The following RAD51B variants were observed in gnomAD, a reference collection of about 807,000 sequenced individuals.
The protein encoded by RAD51B is DNA repair protein RAD51 homolog 2.
In RAD51B, 38 loss-of-function variants were observed where a neutral mutation model predicts 42.2. The observed-to-expected ratio is 0.90, with a 90% CI of 0.70 to 1.18. The LOEUF is 1.18. RAD51B is among the 50% of genes most tolerant of loss of function. The pLI is 0.00. For missense variants in RAD51B, 373 were observed against 400.7 expected, an observed-to-expected ratio of 0.93 and a Z score of 0.59; for synonymous variants, 154 against 145.2, an observed-to-expected ratio of 1.06 and a Z score of -0.43.
At chr14:68,103,101 A>G (rs528845417) in intron 7 of RAD51B, among the ~76,000 whole-genome samples, 13 of 152,196 alleles carry the variant, frequency 8.5e-5, no homozygotes, top group Admixed American at 2.0e-4. Context: ...GGTCCCTCCC[A>G]TGACACATGG....
chr14:68,558,866 G>A (rs568434923), intron 10 of RAD51B, among the ~76,000 whole-genome samples: 19 of 152,114 alleles, frequency 1.2e-4, no homozygotes, highest in Non-Finnish European at 1.9e-4. Context: ...ACACAATTCA[G>A]TCCACCATGG....
At chr14:68,162,333 C>T (rs2078656780) in intron 7 of RAD51B, among the ~76,000 whole-genome samples, 2 of 152,068 alleles carry the variant, frequency 1.3e-5, no homozygotes, top group African/African-American at 2.4e-5. Context: ...CATAATTTTT[C>T]ATTCTAAAAT....
chr14:68,396,629 C>T (rs2083931737), intron 8 of RAD51B, among the ~76,000 whole-genome samples: 1 of 152,200 alleles, frequency 6.6e-6, no homozygotes, highest in African/African-American at 2.4e-5. Context: ...TACATATTTT[C>T]AGTTGGAGAA....
intron 7 of RAD51B, among the ~76,000 whole-genome samples, chr14:67,889,591 T>TGA (rs1409594205): frequency 1.4e-5 from 2 of 145,076 alleles, no homozygotes; most frequent in Non-Finnish European, 1.5e-5. Flanking sequence ...TTCCCCCCCT[T>TGA]TCTCTATTTG....
At chr14:68,502,617 A>G (rs1885002442) in intron 10 of RAD51B, among the ~76,000 whole-genome samples, 1 of 152,192 alleles carries the variant, frequency 6.6e-6, no homozygotes, top group African/African-American at 2.4e-5. Context: ...GGAAACAAAT[A>G]ACTCCTGGCT....
chr14:68,640,937 A>G (rs759871784), intron 10 of RAD51B, among the ~76,000 whole-genome samples: 1 of 152,160 alleles, frequency 6.6e-6, no homozygotes, highest in Non-Finnish European at 1.5e-5. Context: ...AGGAGGTGCA[A>G]TGGAAAAGGT....
At chr14:68,618,306 A>T (rs565989963) in intron 10 of RAD51B, among the ~76,000 whole-genome samples, 1 of 152,348 alleles carries the variant, frequency 6.6e-6, no homozygotes, top group East Asian at 1.9e-4. Flanking sequence ...AGACACAAAC[A>T]GGAAACTACA....
At chr14:68,578,483 CAT>C (rs1324116772) in intron 10 of RAD51B, among the ~76,000 whole-genome samples, 1 of 152,156 alleles carries the variant, frequency 6.6e-6, no homozygotes, top group Non-Finnish European at 1.5e-5. Flanking sequence ...TGGCAGCTTT[CAT>C]GGAGGTTTCA....
intron 8 of RAD51B, among the ~76,000 whole-genome samples, chr14:68,399,255 T>TTG (rs1555404126): frequency 7.2e-6 from 1 of 138,552 alleles, no homozygotes; most frequent in Non-Finnish European, 1.6e-5. Flanking sequence ...TGATTTTTTT[T>TTG]TGTGTTTTTT....
intron 7 of RAD51B, among the ~76,000 whole-genome samples, chr14:67,901,776 A>T (rs940469722): frequency 1.3e-5 from 2 of 152,230 alleles, no homozygotes; most frequent in Non-Finnish European, 2.9e-5. Flanking sequence ...ACATGGATCA[A>T]ACTGGAGGCC....
At chr14:68,200,234 C>G (rs997245569) in intron 7 of RAD51B, among the ~76,000 whole-genome samples, 42 of 152,130 alleles carry the variant, frequency 2.8e-4, no homozygotes, top group African/African-American at 9.4e-4. Context: ...TGAAGGCAAT[C>G]TCAGCGTCTG....
intron 11 of RAD51B, among the ~76,000 whole-genome samples, chr14:68,664,854 A>G (rs1893001111): frequency 6.6e-6 from 1 of 152,108 alleles, no homozygotes; most frequent in Non-Finnish European, 1.5e-5. Context: ...TGTGACTCCT[A>G]ATGGAAATCC....
chr14:68,351,864 G>A (rs1171371933), intron 8 of RAD51B, among the ~76,000 whole-genome samples: 1 of 152,232 alleles, frequency 6.6e-6, no homozygotes, highest in African/African-American at 2.4e-5. Context: ...CCCACTAGCT[G>A]CAGTGTAGAG....
intron 10 of RAD51B, among the ~76,000 whole-genome samples, chr14:68,552,514 A>G (rs2053097126): frequency 6.6e-6 from 1 of 152,212 alleles, no homozygotes; most frequent in South Asian, 2.1e-4. Context: ...GTGGTGGCAC[A>G]CAGTAGGGCC....
chr14:67,840,364 A>G (rs773093931), intron 4 of RAD51B, among the ~76,000 whole-genome samples: 2 of 152,136 alleles, frequency 1.3e-5, no homozygotes, highest in Non-Finnish European at 2.9e-5. Context: ...GCTCCCACTT[A>G]TAAGTGAGAA....
intron 10 of RAD51B, among the ~76,000 whole-genome samples, chr14:68,537,795 A>C (rs1324427455): frequency 1.3e-5 from 2 of 151,636 alleles, no homozygotes; most frequent in African/African-American, 4.9e-5. Flanking sequence ...CGACCTTTTC[A>C]TTTCTTTATT....
Position 68,629,735 on chromosome 14 carries a change from T to TA in RAD51B, c.1037-21045dup, listed in dbSNP as rs567015531. Among the ~76,000 whole-genome samples, 146 of 152,352 alleles carry TA rather than the reference T, an allele frequency of 9.6e-4. 1 individual carries two copies. The highest frequency in any genetic ancestry group is 3.3e-3 in the African/African-American group (136 of 41,580). Reference sequence around the variant, plus strand: ...TTGTTATAAATCCCAGGGTCGGACTTACATTCCCCAGCTGCAAAAAGCATA... The same window carrying TA: ...TTGTTATAAATCCCAGGGTCGGACTTAACATTCCCCAGCTGCAAAAAGCATA... On this transcript the variant is annotated intron_variant, in intron 10 of 11. Transcript: ENST00000488612.
At chr14:68,141,085 G>A (rs1012752457) in intron 7 of RAD51B, among the ~76,000 whole-genome samples, 2 of 152,206 alleles carry the variant, frequency 1.3e-5, no homozygotes, top group African/African-American at 4.8e-5. Context: ...GGTCACCCTT[G>A]TTACTGTGCC....
Position 68,648,155 on chromosome 14 carries a change from G to GTATA in RAD51B, c.1037-2615_1037-2612dup, listed in dbSNP as rs368723351. Among the ~76,000 whole-genome samples the GTATA allele has an allele frequency of 3.8e-4, 39 of 102,442 alleles. 1 individual carries two copies. The highest frequency in any genetic ancestry group is 4.4e-4 in the Non-Finnish European group (22 of 50,016). The allele number at this position is 102,442 out of a possible 152,430, so 67.2% of individuals were successfully genotyped here. A position where few individuals can be genotyped will look rare whatever the true frequency, so the allele number is the denominator to read the frequency against. ...CACGTATATATATATATACACACAC[G>GTATA]TATATATATATATACACACGTATAT... On this transcript the variant is annotated intron_variant, in intron 10 of 11. Transcript: ENST00000488612.
Sources: gnomAD v4.1 joint callset for allele counts (sites outside exome capture counted in the v4.1 genomes callset) on GRCh38, gnomAD v4.1.1 for gene constraint, MANE v1.5 for transcripts, NCBI Gene and HGNC (gene_info 2026-07-23, HGNC 2026-07-21) for gene names.